RORA: variants seen among roughly 807,000 people sequenced by gnomAD.
The protein encoded by RORA is RAR related orphan receptor A.
A neutral mutation model predicts 69.5 loss-of-function variants in RORA; 7 were observed. That is an observed-to-expected ratio of 0.10 (90% CI 0.06 to 0.19). RORA has a LOEUF of 0.19. Among genes scored for constraint, RORA ranks in the 10% least tolerant of loss-of-function variants. RORA has a pLI of 1.00. For missense variants in RORA, 457 were observed against 663.0 expected (o/e 0.69, Z 3.41); for synonymous variants, 261 against 240.8 (o/e 1.08, Z -0.78).
At chr15:60,666,740 C>T (rs1049282053) in intron 2 of RORA, among the ~76,000 whole-genome samples, 2 of 152,082 alleles carry the variant, frequency 1.3e-5, no homozygotes, top group African/African-American at 2.4e-5. Flanking sequence ...CCGAGGTATG[C>T]CCATGCATGG....
intron 8 of RORA, among the ~76,000 whole-genome samples, chr15:60,502,390 A>T (rs34267313): frequency 0.074 from 11,254 of 152,290 alleles, 482 homozygotes; most frequent in Middle Eastern, 0.12. Flanking sequence ...GGGGGATGGA[A>T]GGGCAAAGCT....
At chr15:61,135,202 G>A (rs147375703) in intron 1 of RORA, among the ~76,000 whole-genome samples, 7 of 149,838 alleles carry the variant, frequency 4.7e-5, no homozygotes, top group East Asian at 3.9e-4. Flanking sequence ...GTGGTGGTAC[G>A]TGCCTGCAGT....
chr15:60,592,920 C>G (rs1487960789), intron 2 of RORA: 1 of 455,944 alleles, frequency 2.2e-6, no homozygotes, highest in South Asian at 1.6e-5. Flanking sequence ...CACTCTCCCG[C>G]TGGCTTGCCG....
At chr15:60,892,977 C>T (rs1024982265) in intron 1 of RORA, among the ~76,000 whole-genome samples, 1 of 152,232 alleles carries the variant, frequency 6.6e-6, no homozygotes, top group African/African-American at 2.4e-5. Context: ...CCCACCCCCT[C>T]TCCCATTGCC....
chr15:60,834,966 A>C (rs570929383), intron 1 of RORA, among the ~76,000 whole-genome samples: 1 of 152,154 alleles, frequency 6.6e-6, no homozygotes, highest in South Asian at 2.1e-4. Context: ...GCTCGGCATC[A>C]CTGAATTATA....
intron 1 of RORA, among the ~76,000 whole-genome samples, chr15:60,842,430 A>G (rs769895613): frequency 3.5e-4 from 53 of 152,300 alleles, no homozygotes; most frequent in Middle Eastern, 6.8e-3. Flanking sequence ...ACCATTTATG[A>G]TTTATGGGCC....
intron 1 of RORA, among the ~76,000 whole-genome samples, chr15:61,067,180 C>CCCAGACTGG (rs2078275350): frequency 6.6e-6 from 1 of 150,586 alleles, no homozygotes; most frequent in South Asian, 2.1e-4. Flanking sequence ...GGCATGATCT[C>CCCAGACTGG]AGTTCACTGC....
intron 3 of RORA, chr15:60,529,879 T>C (rs1567063805): frequency 6.6e-6 from 1 of 152,202 alleles, no homozygotes; most frequent in Non-Finnish European, 1.5e-5. Context: ...CTTCTGTCAA[T>C]TCCTAGATAA....
intron 1 of RORA, among the ~76,000 whole-genome samples, chr15:61,202,098 C>T (rs1254213939): frequency 6.6e-6 from 1 of 151,872 alleles, no homozygotes; most frequent in Non-Finnish European, 1.5e-5. Context: ...ACCTCCGCCT[C>T]CCAGGTTCAA....
At chr15:60,719,043 G>GT (rs1423802330) in intron 1 of RORA, among the ~76,000 whole-genome samples, 2 of 150,258 alleles carry the variant, frequency 1.3e-5, no homozygotes, top group African/African-American at 4.9e-5. Context: ...GTGTGGGGGG[G>GT]GTGTGTGTGT....
chr15:60,840,812 G>A (rs1158790389), intron 1 of RORA, among the ~76,000 whole-genome samples: 5 of 152,240 alleles, frequency 3.3e-5, no homozygotes, highest in Non-Finnish European at 5.9e-5. Context: ...TGGCCCGGCA[G>A]CCTGACTGAC....
intron 2 of RORA, among the ~76,000 whole-genome samples, chr15:60,667,439 G>A (rs930660950): frequency 1.3e-5 from 2 of 152,042 alleles, no homozygotes; most frequent in African/African-American, 2.4e-5. Context: ...CCTCCCTGCC[G>A]GGTGCTTTAT....
At chr15:60,576,095 C>T (rs2068017846) in intron 2 of RORA, among the ~76,000 whole-genome samples, 1 of 152,222 alleles carries the variant, frequency 6.6e-6, no homozygotes, top group East Asian at 1.9e-4. Flanking sequence ...TCATTCTCCT[C>T]AGCCCTCCTA....
intron 1 of RORA, among the ~76,000 whole-genome samples, chr15:60,981,022 T>C (rs1843940345): frequency 6.6e-6 from 1 of 152,020 alleles, no homozygotes; most frequent in Non-Finnish European, 1.5e-5. Flanking sequence ...TCAATTTTTA[T>C]TTATTTGGAG....
chr15:60,821,102 G>C (rs965777736), intron 1 of RORA, among the ~76,000 whole-genome samples: 1 of 152,146 alleles, frequency 6.6e-6, no homozygotes, highest in Non-Finnish European at 1.5e-5. Flanking sequence ...GTAGGGCCTA[G>C]GACCTTGGCC....
chr15:60,779,947 C>T (rs2072230093), intron 1 of RORA, among the ~76,000 whole-genome samples: 1 of 152,158 alleles, frequency 6.6e-6, no homozygotes, highest in Non-Finnish European at 1.5e-5. Flanking sequence ...CACATTTCCT[C>T]ATTTGGATAT....
At chr15:60,703,905 G>A (rs536639446) in intron 1 of RORA, among the ~76,000 whole-genome samples, 1 of 151,722 alleles carries the variant, frequency 6.6e-6, no homozygotes, top group Non-Finnish European at 1.5e-5. Context: ...AAGGAAGAAG[G>A]TCTAGAAGGA....
chr15:61,097,654 G>T lies in RORA; in HGVS notation c.166+131399C>A, dbSNP rs569406853. On this transcript the variant is annotated intron_variant, in intron 1 of 10. Transcript: ENST00000335670. ...AGTTCTCAAGTACAGTACAAAGGAG[G>T]TGACAAATGTAGAATTTCTTCTTGG... is the stretch of plus-strand genomic sequence containing the variant. 2.6e-5 allele frequency among the ~76,000 whole-genome samples: 4 copies of T among 152,254 alleles called. No individual in the cohort carries two copies. The East Asian group carries it at 7.7e-4, about 29-fold the overall frequency.
At chr15:60,835,550 T>C (rs6494230) in intron 1 of RORA, among the ~76,000 whole-genome samples, 29,433 of 152,098 alleles carry the variant, frequency 0.19, 3,440 homozygotes, top group East Asian at 0.47. Flanking sequence ...AAACGACCTG[T>C]GCCCAACTCA....
Sources: allele counts gnomAD v4.1 joint callset (sites outside exome capture counted in the v4.1 genomes callset), GRCh38; gene constraint gnomAD v4.1.1; transcripts MANE v1.5; gene names NCBI Gene and HGNC (gene_info 2026-07-23, HGNC 2026-07-21).